Variants in LAMA1 observed in about 807,000 individuals in gnomAD.
LAMA1 encodes the protein laminin subunit alpha-1.
Under a neutral mutation model 348.7 loss-of-function variants are expected in LAMA1, and 219 were observed. The ratio of observed to expected loss-of-function variants is 0.63; its 90% CI spans 0.56 to 0.70. LAMA1 has a LOEUF of 0.70. LAMA1 is among the 30% of genes least tolerant of loss of function. The pLI is 0.00. For synonymous variants in LAMA1, 1,487 were observed against 1,491.0 expected (o/e 1.00, Z 0.06); for missense variants, 3,744 against 3,888.0 (o/e 0.96, Z 0.99).
chr18:7,058,853 A>C (rs1035819976), intron 3 of LAMA1, among the ~76,000 whole-genome samples: 1 of 152,180 alleles, frequency 6.6e-6, no homozygotes, highest in Non-Finnish European at 1.5e-5. Context: ...CTTATATGTA[A>C]TGTAGAAAAA....
chr18:7,023,206 C>T lies in LAMA1; in HGVS notation c.2659G>A (p.Asp887Asn). The T allele has an allele frequency of 1.2e-6, 2 of 1,613,614 alleles. No homozygotes were observed. The highest frequency in any genetic ancestry group is 1.7e-6 in the Non-Finnish European group (2 of 1,179,982). The part of the protein sequence containing the change: ...TDGAHCERCA[D>N]GFYGDAVTAK... ...GTCACAGCGTCCCCATAGAACCCGT[C>T]AGCACACCTTTCACAGTGGGCGCCA... is the stretch of plus-strand genomic sequence containing the variant. The change falls in exon 19 of 63, where the codon GAC (aspartate) becomes AAC (asparagine). Residue 887 changes from aspartate (D) to asparagine (N), a missense_variant. This residue lies in a region of LAMA1 where 1,529 missense variants were observed against 1,689.4 expected (regional missense o/e 0.91). Transcript: ENST00000389658.
At chr18:6,943,087 C>T (rs2057506559) in intron 62 of LAMA1, 93 bp downstream of exon 62, 1 of 1,065,316 alleles carries the variant, frequency 9.4e-7, no homozygotes, top group South Asian at 1.3e-5. Flanking sequence ...AAACCATGTA[C>T]CTTTCTCAAT....
intron 51 of LAMA1, 123 bp from the exon 52 acceptor site, chr18:6,962,182 A>C: frequency 1.4e-6 from 1 of 735,820 alleles, no homozygotes; most frequent in East Asian, 2.6e-5. Context: ...AGCACTTTGG[A>C]AGGCTGAGGT....
At chr18:6,959,957 T>C (rs1310165921) in intron 53 of LAMA1, 1 of 252,146 alleles carries the variant, frequency 4.0e-6, no homozygotes, top group African/African-American at 2.3e-5. Context: ...TTTCGACACA[T>C]TGAAAAGAGG....
intron 34 of LAMA1, 21 bp from the exon 35 acceptor site, chr18:6,993,773 C>A: frequency 7.0e-7 from 1 of 1,434,890 alleles, no homozygotes; most frequent in East Asian, 2.3e-5. Context: ...AATAAAGTCT[C>A]AGGTTAGTTT....
At chr18:7,116,711 C>A (rs1376575870) in intron 1 of LAMA1, among the ~76,000 whole-genome samples, 1 of 152,220 alleles carries the variant, frequency 6.6e-6, no homozygotes, top group Non-Finnish European at 1.5e-5. Context: ...CGAAGCCACG[C>A]TGCGAAGACA....
chr18:6,990,633 A>C (rs1055355649), intron 36 of LAMA1, among the ~76,000 whole-genome samples: 3 of 152,112 alleles, frequency 2.0e-5, no homozygotes, highest in African/African-American at 4.8e-5. Context: ...CTCAAATTCG[A>C]TGCAAACTTC....
intron 57 of LAMA1, chr18:6,953,838 G>A (rs2057561600): frequency 6.6e-6 from 1 of 152,462 alleles, no homozygotes; most frequent in Non-Finnish European, 1.5e-5. Context: ...TCTGTGAGGA[G>A]TGGCTGCTGT....
chr18:7,011,392 G>C lies in LAMA1; in HGVS notation c.3595C>G (p.Pro1199Ala). The C allele has an allele frequency of 6.2e-7, 1 of 1,610,846 alleles. No individual in the cohort carries two copies. Among genetic ancestry groups the C allele is most frequent in the South Asian group, 1.1e-5 (1 of 90,138 alleles). Residue 1199 changes from proline to alanine, a missense_variant, in exon 25 of 63, where the codon CCC becomes GCC. By Grantham distance (27) the Pro-to-Ala change is conservative (BLOSUM62 -1). Coordinates refer to ENST00000389658, the MANE Select transcript of LAMA1 (RefSeq NM_005559.4). The stretch of plus-strand genomic sequence containing the variant: ...GTGGCGGCATCCAGCAGGAAGTCGG[G>C]GGCCTGGTAGTAAACCCCCTCGGTC... ...GTTEGVYYQA[P>A]DFLLDAATVR...
intron 3 of LAMA1, among the ~76,000 whole-genome samples, chr18:7,070,047 A>G: frequency 6.6e-6 from 1 of 152,254 alleles, no homozygotes; most frequent in Non-Finnish European, 1.5e-5. Context: ...AAATGTGAAA[A>G]CAAAAGAAAG....
At chr18:7,049,284 G>C (rs1425263094) in intron 4 of LAMA1, 27 bp from the exon 5 acceptor site, 1 of 1,577,532 alleles carries the variant, frequency 6.3e-7, no homozygotes, top group Admixed American at 1.7e-5. Flanking sequence ...CAAAATAGAT[G>C]AATGTCAATT....
In LAMA1 at chr18:7,013,888, G is replaced by A. The variant is rs377575918; in HGVS notation, c.3290C>T (p.Thr1097Met). 59 of 1,612,874 alleles carry A rather than the reference G, an allele frequency of 3.7e-5. 1 individual carries two copies. The highest frequency in any genetic ancestry group is 3.1e-4 in the South Asian group (28 of 90,860). ...CTCCAGGTTGCAGGCGTCCCCCGAC[G>A]TCCCCCTCAGGTCACAGTCACAGGG... ...CVPCDCDLRG[T>M]SGDACNLEQG... The change falls in exon 23 of 63, where the codon ACG becomes ATG. Residue 1097 changes from threonine to methionine, a missense_variant. By Grantham distance (81) the Thr-to-Met change is moderately conservative (BLOSUM62 -1). Transcript: ENST00000389658.
chr18:7,081,166 AC>A (rs2058192040), intron 1 of LAMA1, among the ~76,000 whole-genome samples: 1 of 152,100 alleles, frequency 6.6e-6, no homozygotes. Context: ...AAAAACAACA[AC>A]AAAAAAAAAC....
intron 16 of LAMA1, among the ~76,000 whole-genome samples, chr18:7,027,225 TA>T (rs1357592682): frequency 6.6e-6 from 1 of 152,102 alleles, no homozygotes; most frequent in African/African-American, 2.4e-5. Context: ...TACATTGACT[TA>T]AGTTGATAAG....
chr18:7,086,692 A>C (rs1428975020), intron 1 of LAMA1, among the ~76,000 whole-genome samples: 3 of 152,154 alleles, frequency 2.0e-5, no homozygotes, highest in African/African-American at 4.8e-5. Flanking sequence ...AAGAATGAGT[A>C]AGTGAAGGAA....
rs1052611779 is a variant in LAMA1 at position 7,080,222 on chromosome 18, T to G, written c.232+65A>C. 3 of 1,607,670 alleles carry G rather than the reference T, an allele frequency of 1.9e-6. No homozygotes were observed. The African/African-American group carries it at 4.0e-5, about 21-fold the overall frequency. Reference sequence around the variant, plus strand: ...TGTTTATGGCTTCCTAACAGAAGTCTCAGTCCTCATTTCACAAAGTGTACA... The same window carrying G: ...TGTTTATGGCTTCCTAACAGAAGTCGCAGTCCTCATTTCACAAAGTGTACA... On this transcript the variant is annotated intron_variant, in intron 2 of 62. Transcript: ENST00000389658.
intron 28 of LAMA1, 145 bp from the exon 29 acceptor site, chr18:7,007,421 G>T: frequency 3.2e-6 from 2 of 629,152 alleles, no homozygotes; most frequent in Non-Finnish European, 2.5e-6. Flanking sequence ...AAATGCAAAT[G>T]AAAAAACACA....
intron 62 of LAMA1, 72 bp from the exon 63 acceptor site, chr18:6,942,311 A>G: frequency 1.3e-6 from 2 of 1,507,976 alleles, no homozygotes; most frequent in Non-Finnish European, 1.8e-6. Context: ...CAAAAGCAAC[A>G]GAAATAATCT....
intron 36 of LAMA1, among the ~76,000 whole-genome samples, chr18:6,990,054 G>T (rs913404556): frequency 3.3e-5 from 5 of 152,096 alleles, no homozygotes; most frequent in South Asian, 2.1e-4. Context: ...TTTGTTTTTG[G>T]TGGTTAATCA....
Sources: allele counts gnomAD v4.1 joint callset (sites outside exome capture counted in the v4.1 genomes callset), GRCh38; gene constraint gnomAD v4.1.1; regional missense constraint gnomAD v4.1.1; transcripts MANE v1.5; gene names NCBI Gene and HGNC (gene_info 2026-07-23, HGNC 2026-07-21).